Variants in MCM10 observed in about 807,000 individuals in gnomAD.
The protein encoded by MCM10 is minichromosome maintenance 10 replication initiation factor.
In MCM10, 91 loss-of-function variants were observed where a neutral mutation model predicts 109.9. The observed-to-expected ratio is 0.83, with a 90% CI of 0.70 to 0.99. The LOEUF is 0.99. Ranked by LOEUF, MCM10 falls within the 50% of genes least tolerant of loss-of-function variation. The pLI, the probability that MCM10 is intolerant of heterozygous loss-of-function variation, is 0.00. For missense variants in MCM10, 1,077 were observed against 1,061.2 expected, an observed-to-expected ratio of 1.01 and a Z score of -0.21; for synonymous variants, 380 against 387.2, an observed-to-expected ratio of 0.98 and a Z score of 0.22.
Position 13,195,163 on chromosome 10 carries a change from T to G in MCM10, c.1868T>G (p.Met623Arg). Residue 623 changes from methionine to arginine, a missense_variant, in exon 14 of 20, where the codon ATG becomes AGG. Coordinates refer to ENST00000378714, the MANE Select transcript of MCM10 (RefSeq NM_018518.5). ...AGGCTGGAGGGAGCCCCGGCCACAA[T>G]GACGCCCAAGCTGGGGCGAGGTGTC... is the stretch of plus-strand genomic sequence containing the variant. ...FPRLEGAPAT[M>R]TPKLGRGVLE... 6.2e-7 allele frequency: 1 copy of G among 1,614,090 alleles called. No individual in the cohort carries two copies. The highest frequency in any genetic ancestry group is 8.5e-7 in the Non-Finnish European group (1 of 1,180,008).
chr10:13,206,463 T>C (rs184099862), intron 18 of MCM10, among the ~76,000 whole-genome samples: 233 of 150,728 alleles, frequency 1.5e-3, no homozygotes, highest in Admixed American at 2.4e-3. Context: ...CATACTTCAC[T>C]CTCACTTCAG....
chr10:13,170,365 C>T (rs118187527), intron 2 of MCM10, among the ~76,000 whole-genome samples: 6,381 of 148,966 alleles, frequency 0.043, 177 homozygotes, highest in Admixed American at 0.077. Flanking sequence ...TAGTTTGTAT[C>T]TTTTTTTTTT....
At position 13,191,049 on chromosome 10, in the gene MCM10, A is replaced by T. The variant is rs72779594; in HGVS notation, c.1416-250A>T. On this transcript the variant is annotated intron_variant, in intron 10 of 19. Transcript: ENST00000378714. ...GGATCAAAGCATTGGCTTTTTTTTT[A>T]TTTCTTTTGCCAAATTTCCTTCCAG... Among the ~76,000 whole-genome samples the T allele has an allele frequency of 5.5e-3, 827 of 151,500 alleles. 7 individuals carry two copies. The highest frequency in any genetic ancestry group is 0.016 in the South Asian group (75 of 4,804).
chr10:13,163,125 C>A (rs1392889452), intron 1 of MCM10, among the ~76,000 whole-genome samples: 1 of 150,120 alleles, frequency 6.7e-6, no homozygotes, highest in East Asian at 2.0e-4. Context: ...GATCACTTGA[C>A]ATCAGGAGTT....
chr10:13,207,078 T>C (rs1834591877), intron 18 of MCM10, among the ~76,000 whole-genome samples: 1 of 152,174 alleles, frequency 6.6e-6, no homozygotes, highest in Non-Finnish European at 1.5e-5. Context: ...GTGCTGGGAT[T>C]GCAGGCCTGA....
intron 16 of MCM10, among the ~76,000 whole-genome samples, chr10:13,200,816 T>G (rs756122742): frequency 6.6e-6 from 1 of 152,238 alleles, no homozygotes; most frequent in Non-Finnish European, 1.5e-5. Context: ...GATACTGTCA[T>G]GTTAGGAGTG....
At chr10:13,175,375 G>A (rs561906089) in intron 5 of MCM10, 135 bp from the exon 6 acceptor site, 9 of 667,248 alleles carry the variant, frequency 1.3e-5, no homozygotes, top group East Asian at 8.8e-5. Flanking sequence ...CCCAGATCAC[G>A]CCACCATTGC....
chr10:13,197,658 G>C lies in MCM10; in HGVS notation c.2010G>C (p.Gln670His), dbSNP rs1422434761. 1 of 1,613,920 alleles carries C rather than the reference G, an allele frequency of 6.2e-7. No homozygotes were observed. The highest frequency in any genetic ancestry group is 8.5e-7 in the Non-Finnish European group (1 of 1,179,950). Reference sequence around the variant, plus strand: ...TCACCAAATTAAGGGCAAAAGGCCAGGTTCTTACAAAAACAAACCCAAACA... The same window carrying C: ...TCACCAAATTAAGGGCAAAAGGCCACGTTCTTACAAAAACAAACCCAAACA... ...AAITKLRAKG[Q>H]VLTKTNPNSI... is the part of the protein sequence containing the mutation. Residue 670 changes from glutamine (Q) to histidine (H), a missense_variant, in exon 15 of 20, where the codon CAG (glutamine) becomes CAC (histidine). Gln to His is a conservative substitution (Grantham distance 24). Coordinates refer to ENST00000378714, the MANE Select transcript of MCM10 (RefSeq NM_018518.5).
Position 13,198,743 on chromosome 10 carries a change from T to C in MCM10, c.2174T>C (p.Leu725Pro), listed in dbSNP as rs1438106122. 2 of 1,613,998 alleles carry C rather than the reference T, an allele frequency of 1.2e-6. No individual in the cohort carries two copies. The highest frequency in any genetic ancestry group is 8.5e-7 in the Non-Finnish European group (1 of 1,180,012). The stretch of plus-strand genomic sequence containing the variant: ...AAAAGGAGAGAACAACTTGCCTATC[T>C]GGAATCTGAGGAATTTCAGAAAATC... ...RKKRREQLAY[L>P]ESEEFQKILK... is the part of the protein sequence containing the mutation. The change falls in exon 16 of 20, where the codon CTG (leucine) becomes CCG (proline). Residue 725 changes from leucine to proline, a missense_variant. Coordinates refer to ENST00000378714, the MANE Select transcript of MCM10 (RefSeq NM_018518.5).
intron 6 of MCM10, among the ~76,000 whole-genome samples, chr10:13,177,472 T>A (rs1449056063): frequency 2.0e-5 from 3 of 150,820 alleles, no homozygotes; most frequent in Non-Finnish European, 1.5e-5. Flanking sequence ...TTCCTTTGAG[T>A]GTCATGTTTG....
In MCM10 at chr10:13,192,449, A is replaced by C. The variant is rs1418752163; in HGVS notation, c.1628-2A>C. 1.9e-6 allele frequency: 3 copies of C among 1,614,044 alleles called. No homozygotes were observed. The highest frequency in any genetic ancestry group is 2.7e-5 in the African/African-American group (2 of 74,928). ...CCCCCTCAGTCTGGGCTTCTGTTTCAGGGATTATGGGGAGCCCAAAACCAG... is the reference window on the plus strand; with the variant it reads ...CCCCCTCAGTCTGGGCTTCTGTTTCCGGGATTATGGGGAGCCCAAAACCAG... On this transcript the variant is annotated splice_acceptor_variant, in intron 12 of 19. Transcript: ENST00000378714. LOFTEE classifies it high-confidence loss of function.
Position 13,209,447 on chromosome 10 carries a change from C to A in MCM10, c.*137C>A. On this transcript the variant is annotated 3_prime_UTR_variant, in exon 20 of 20. Coordinates refer to ENST00000378714, the MANE Select transcript of MCM10 (RefSeq NM_018518.5). ...TGCTTGTTAAGCCCATAAGCTTTGC[C>A]TGCTTACTTTCTGCCATTGGGTTGG... The A allele has an allele frequency of 1.4e-6, 1 of 693,118 alleles. No homozygotes were observed. Among genetic ancestry groups the A allele is most frequent in the Non-Finnish European group, 2.5e-6 (1 of 405,706 alleles). The allele number at this position is 693,118 out of a possible 1,614,324, so 42.9% of individuals were successfully genotyped here.
At position 13,209,117 on chromosome 10, in the gene MCM10, G is replaced by C; in HGVS notation, c.2525G>C (p.Arg842Pro). Residue 842 changes from arginine (R) to proline (P), a missense_variant, in exon 19 of 20, where the codon CGG (arginine) becomes CCG (proline). Physicochemically the swap from Arg to Pro is moderately radical, Grantham distance 103. Transcript: ENST00000378714. ...AACTGTGGCCTCTACAAATGGGAAC[G>C]GGACGGAATGCTAAAGGTATGCCAT... ...CSNCGLYKWERDGMLKEKTGP... is the reference protein window; with the variant it reads ...CSNCGLYKWEPDGMLKEKTGP... The C allele has an allele frequency of 6.2e-7, 1 of 1,613,106 alleles. No homozygotes were observed. Among genetic ancestry groups the C allele is most frequent in the South Asian group, 1.1e-5 (1 of 91,060 alleles).
intron 8 of MCM10, among the ~76,000 whole-genome samples, chr10:13,185,781 G>A (rs1834267077): frequency 6.6e-6 from 1 of 152,180 alleles, no homozygotes; most frequent in Non-Finnish European, 1.5e-5. Context: ...TCTCCTTTTT[G>A]AGACGGCCTC....
At chr10:13,190,461 A>T (rs1459683314) in intron 10 of MCM10, among the ~76,000 whole-genome samples, 1 of 152,172 alleles carries the variant, frequency 6.6e-6, no homozygotes, top group Non-Finnish European at 1.5e-5. Flanking sequence ...AGGCAGGAGG[A>T]TTGCTTAAGC....
At chr10:13,177,799 A>G (rs1249575060) in intron 6 of MCM10, among the ~76,000 whole-genome samples, 3 of 151,696 alleles carry the variant, frequency 2.0e-5, no homozygotes, top group Non-Finnish European at 4.4e-5. Context: ...GCAGCGGGCC[A>G]AGATTGTGCC....
intron 5 of MCM10, among the ~76,000 whole-genome samples, chr10:13,174,197 C>A (rs1005478997): frequency 5.5e-5 from 7 of 126,494 alleles, no homozygotes; most frequent in South Asian, 5.2e-4. Context: ...GGTTGGAGTG[C>A]AGTGGGATGA....
rs756745723 is a variant in MCM10 at position 13,209,275 on chromosome 10, G to A, written c.2590G>A (p.Glu864Lys). The change falls in exon 20 of 20, where the codon GAA (glutamate) becomes AAA (lysine). Residue 864 changes from glutamate (E) to lysine (K), a missense_variant. Transcript: ENST00000378714. The stretch of plus-strand genomic sequence containing the variant: ...AGGAGAAACTCTGTTACCAAGAGGA[G>A]AAGAACATGCTAAATTTCTGAACAG... ...IGGETLLPRG[E>K]EHAKFLNSLK The A allele has an allele frequency of 5.0e-6, 8 of 1,613,924 alleles. No homozygotes were observed. The highest frequency in any genetic ancestry group is 5.9e-6 in the Non-Finnish European group (7 of 1,179,980).
At chr10:13,193,396 G>A (rs1457960784) in intron 13 of MCM10, among the ~76,000 whole-genome samples, 4 of 151,264 alleles carry the variant, frequency 2.6e-5, no homozygotes, top group East Asian at 3.9e-4. Flanking sequence ...TGAGAGCTGC[G>A]GTTCACAGGC....
Sources: allele counts gnomAD v4.1 joint callset (sites outside exome capture counted in the v4.1 genomes callset), GRCh38; gene constraint gnomAD v4.1.1; transcripts MANE v1.5; gene names NCBI Gene and HGNC (gene_info 2026-07-23, HGNC 2026-07-21).